The following KNOP1 variants were observed in gnomAD, a reference collection of about 807,000 sequenced individuals.
KNOP1 encodes the protein lysine rich nucleolar protein 1.
Under a neutral mutation model 30.6 loss-of-function variants are expected in KNOP1, and 20 were observed. The observed-to-expected ratio is 0.65, with a 90% CI of 0.46 to 0.95. The LOEUF (loss-of-function observed/expected upper bound fraction) is 0.95. Ranked by LOEUF, KNOP1 falls within the 40% of genes least tolerant of loss-of-function variation. The probability of loss-of-function intolerance (pLI) is 0.00; values close to 1 mark genes in which losing one functional copy is unlikely to be tolerated. For missense variants in KNOP1, 540 were observed against 562.0 expected, an observed-to-expected ratio of 0.96 and a Z score of 0.40; for synonymous variants, 204 against 210.0, an observed-to-expected ratio of 0.97 and a Z score of 0.25.
At chr16:19,716,291 A>C (rs1179670806) in intron 1 of KNOP1, among the ~76,000 whole-genome samples, 3 of 152,208 alleles carry the variant, frequency 2.0e-5, no homozygotes, top group African/African-American at 7.2e-5. Flanking sequence ...ACAAGATAAA[A>C]CACCACCCAT....
In KNOP1 at chr16:19,703,583, T is replaced by C. The variant is rs972530126; in HGVS notation, c.*3327A>G. 3.3e-5 allele frequency: 5 copies of C among 151,080 alleles called. No individual in the cohort carries two copies. The highest frequency in any genetic ancestry group is 1.2e-4 in the African/African-American group (5 of 40,738). 9.4% of individuals were successfully genotyped at this position (151,080 alleles called of 1,614,324 possible). A position where few individuals can be genotyped will look rare whatever the true frequency, so the allele number is the denominator to read the frequency against. On this transcript the variant is annotated 3_prime_UTR_variant, in exon 5 of 5. Coordinates refer to ENST00000219837, the MANE Select transcript of KNOP1 (RefSeq NM_001012991.3). Reference sequence around the variant, plus strand: ...GGCAAATTTTTTTTTTTTTTTGGAATGGGGTCTTGCTCTGTCACCCAGGCT... The same window carrying C: ...GGCAAATTTTTTTTTTTTTTTGGAACGGGGTCTTGCTCTGTCACCCAGGCT...
In KNOP1 at chr16:19,706,893, G is replaced by A; in HGVS notation, c.*17C>T. On this transcript the variant is annotated 3_prime_UTR_variant, in exon 5 of 5. Coordinates refer to ENST00000219837, the MANE Select transcript of KNOP1 (RefSeq NM_001012991.3). ...CAAAGCAATTGTGGCAGTTTTGGGGGGACAAAACTCTAGAGTTTAATCTTC... is the reference window on the plus strand; with the variant it reads ...CAAAGCAATTGTGGCAGTTTTGGGGAGACAAAACTCTAGAGTTTAATCTTC... 1 of 1,608,672 alleles carries A rather than the reference G, an allele frequency of 6.2e-7. No homozygotes were observed.
At chr16:19,715,192 A>T (rs1052474359) in intron 1 of KNOP1, 155 bp from the exon 2 acceptor site, 2 of 534,706 alleles carry the variant, frequency 3.7e-6, no homozygotes, top group Admixed American at 3.7e-5. Context: ...AAAAAGAAAT[A>T]CTACAGAAAC....
intron 1 of KNOP1, chr16:19,717,295 T>C (rs1327838312): frequency 5.1e-6 from 5 of 984,702 alleles, no homozygotes; most frequent in Non-Finnish European, 6.0e-6. Flanking sequence ...ACTATTGTAT[T>C]GGCATTTAAA....
At position 19,702,098 on chromosome 16, in the gene KNOP1, C is replaced by A. The variant is rs1175011263; in HGVS notation, c.*4812G>T. 6.6e-6 allele frequency: 1 copy of A among 152,100 alleles called. No individual in the cohort carries two copies. Among genetic ancestry groups the A allele is most frequent in the Non-Finnish European group, 1.5e-5 (1 of 68,108 alleles). The allele number at this position is 152,100 out of a possible 1,614,324, so 9.4% of individuals were successfully genotyped here. ...TCCCGAGTCTAAGCAATTCTCCTGCCTCAGCCTCCTGAGTAGCTGGGATAA... is the reference window on the plus strand; with the variant it reads ...TCCCGAGTCTAAGCAATTCTCCTGCATCAGCCTCCTGAGTAGCTGGGATAA... On this transcript the variant is annotated 3_prime_UTR_variant, in exon 5 of 5. Coordinates refer to ENST00000219837, the MANE Select transcript of KNOP1 (RefSeq NM_001012991.3).
In KNOP1 at chr16:19,706,070, A is replaced by T. The variant is rs1186469647; in HGVS notation, c.*840T>A. The T allele has an allele frequency of 6.6e-6, 1 of 152,298 alleles. No homozygotes were observed. The highest frequency in any genetic ancestry group is 2.4e-5 in the African/African-American group (1 of 41,460). 9.4% of individuals were successfully genotyped at this position (152,298 alleles called of 1,614,324 possible). A position where few individuals can be genotyped will look rare whatever the true frequency, so the allele number is the denominator to read the frequency against. On this transcript the variant is annotated 3_prime_UTR_variant, in exon 5 of 5. Transcript: ENST00000219837. The stretch of plus-strand genomic sequence containing the variant: ...GTTTAGAGGCACATTTCCCAGCAGC[A>T]GCAGCTCAGTCACATGTGTTTGGTA...
chr16:19,708,931 G>A (rs115155256), intron 4 of KNOP1, among the ~76,000 whole-genome samples: 7,776 of 152,068 alleles, frequency 0.051, 653 homozygotes, highest in African/African-American at 0.18. Flanking sequence ...ACTTCACCAC[G>A]TCTCAGTGGC....
At chr16:19,717,912 T>A (rs779036140) in intron 1 of KNOP1, 1 of 1,097,762 alleles carries the variant, frequency 9.1e-7, no homozygotes, top group Non-Finnish European at 1.1e-6. Flanking sequence ...CCTCCAAGGC[T>A]CCCATGGGCC....
rs369632907 is a variant in KNOP1, at chr16:19,714,954, G to C, written c.82C>G (p.Arg28Gly). ...KKKVVKEPET[R>G]YSVLNNDDYF... ...TCATCATTGTTTAAAACTGAGTATC[G>C]AGTCTCTGGTTCTTTGACCACTTTC... Residue 28 changes from arginine (R) to glycine (G), a missense_variant, in exon 2 of 5, where the codon CGA becomes GGA. Physicochemically the swap from Arg to Gly is moderately radical, Grantham distance 125. Transcript: ENST00000219837. 9 of 1,609,502 alleles carry C rather than the reference G, an allele frequency of 5.6e-6. No individual in the cohort carries two copies. The highest frequency in any genetic ancestry group is 1.3e-5 in the African/African-American group (1 of 74,572).
chr16:19,714,056 C>T, intron 2 of KNOP1, 62 bp downstream of exon 2: 2 of 1,420,884 alleles, frequency 1.4e-6, no homozygotes, highest in African/African-American at 1.4e-5. Flanking sequence ...CGCCTACACA[C>T]CCCTCCCAAA....
intron 1 of KNOP1, 135 bp from the exon 2 acceptor site, chr16:19,715,172 T>C (rs1465539765): frequency 1.7e-6 from 1 of 591,410 alleles, no homozygotes; most frequent in Admixed American, 3.4e-5. Context: ...ACATGATTCC[T>C]TTAAAGCAAA....
intron 1 of KNOP1, 130 bp from the exon 2 acceptor site, chr16:19,715,167 ATTCCT>A: frequency 1.6e-6 from 1 of 612,744 alleles, no homozygotes; most frequent in Non-Finnish European, 2.7e-6. Flanking sequence ...AATGGACATG[ATTCCT>A]TTAAAGCAAA....
chr16:19,704,749 C>G lies in KNOP1; in HGVS notation c.*2161G>C, dbSNP rs1468100952. The stretch of plus-strand genomic sequence containing the variant: ...GCCTCTTGGGCTTTCCACGGCCTCT[C>G]CCATTATGTATCTCAAGGTTGAATC... On this transcript the variant is annotated 3_prime_UTR_variant, in exon 5 of 5. Transcript: ENST00000219837. 3 of 168,412 alleles carry G rather than the reference C, an allele frequency of 1.8e-5. No individual in the cohort carries two copies. The South Asian group carries it at 4.8e-4, about 27-fold the overall frequency. The allele number at this position is 168,412 out of a possible 1,614,324, so 10.4% of individuals were successfully genotyped here. A position where few individuals can be genotyped will look rare whatever the true frequency, so the allele number is the denominator to read the frequency against.
At chr16:19,709,346 G>A (rs752442350) in intron 4 of KNOP1, among the ~76,000 whole-genome samples, 10 of 152,174 alleles carry the variant, frequency 6.6e-5, no homozygotes, top group Admixed American at 2.0e-4. Flanking sequence ...CTTTCTTCTC[G>A]TCTCCCCAAA....
At chr16:19,712,001 G>C (rs956497167) in intron 2 of KNOP1, 1 of 155,816 alleles carries the variant, frequency 6.4e-6, no homozygotes, top group African/African-American at 2.4e-5. Context: ...CTAGCGTCAC[G>C]TGTGTGATGA....
At position 19,712,902 on chromosome 16, in the gene KNOP1, C is replaced by T. The variant is rs186109708; in HGVS notation, c.918+1216G>A. Among the ~76,000 whole-genome samples, 1,445 of 152,210 alleles carry T rather than the reference C, an allele frequency of 9.5e-3. 23 individuals carry two copies. The highest frequency in any genetic ancestry group is 0.033 in the African/African-American group (1,367 of 41,512). On this transcript the variant is annotated intron_variant, in intron 2 of 4. Coordinates refer to ENST00000219837, the MANE Select transcript of KNOP1 (RefSeq NM_001012991.3). Reference sequence around the variant, plus strand: ...TGGGTCTGGGGAGCCACCAGCCCTCCGGCTCACCTCAGGCCTCCCTCTCCC... The same window carrying T: ...TGGGTCTGGGGAGCCACCAGCCCTCTGGCTCACCTCAGGCCTCCCTCTCCC...
chr16:19,712,872 G>A (rs114605532), intron 2 of KNOP1, among the ~76,000 whole-genome samples: 2,849 of 152,270 alleles, frequency 0.019, 87 homozygotes, highest in African/African-American at 0.064. Flanking sequence ...AGCTGGGAAA[G>A]GCTGTGGGTC....
At chr16:19,708,778 T>A (rs1328966451) in intron 4 of KNOP1, among the ~76,000 whole-genome samples, 1 of 152,178 alleles carries the variant, frequency 6.6e-6, no homozygotes, top group Non-Finnish European at 1.5e-5. Context: ...GATGCAGGAA[T>A]AATGACAGCT....
Position 19,703,137 on chromosome 16 carries a change from T to A in KNOP1, c.*3773A>T, listed in dbSNP as rs538855981. The A allele has an allele frequency of 4.4e-4, 67 of 152,376 alleles. No homozygotes were observed. Among genetic ancestry groups the A allele is most frequent in the African/African-American group, 1.5e-3 (64 of 41,584 alleles). 9.4% of individuals were successfully genotyped at this position (152,376 alleles called of 1,614,324 possible). A position where few individuals can be genotyped will look rare whatever the true frequency, so the allele number is the denominator to read the frequency against. ...ATAATGTTGTCATCTGACGGTTCTATAGGTCTTAAGTCCGCCTGGTCTCAC... is the reference window on the plus strand; with the variant it reads ...ATAATGTTGTCATCTGACGGTTCTAAAGGTCTTAAGTCCGCCTGGTCTCAC... On this transcript the variant is annotated 3_prime_UTR_variant, in exon 5 of 5. Coordinates refer to ENST00000219837, the MANE Select transcript of KNOP1 (RefSeq NM_001012991.3).
Sources: gnomAD v4.1 joint callset for allele counts (sites outside exome capture counted in the v4.1 genomes callset) on GRCh38, gnomAD v4.1.1 for gene constraint, MANE v1.5 for transcripts, NCBI Gene and HGNC (gene_info 2026-07-23, HGNC 2026-07-21) for gene names.